CTNNA3: variants seen among roughly 807,000 people sequenced by gnomAD.
CTNNA3 encodes the protein catenin alpha-3.
CTNNA3 carries 76 observed loss-of-function variants against 95.7 expected under a neutral mutation model. That is an observed-to-expected ratio of 0.79 (90% CI 0.66 to 0.96). CTNNA3 has a LOEUF of 0.96. CTNNA3 is among the 40% of genes least tolerant of loss of function. CTNNA3 has a pLI of 0.00. For synonymous variants in CTNNA3, 431 were observed against 374.4 expected, an observed-to-expected ratio of 1.15 and a Z score of -1.74; for missense variants, 1,191 against 1,089.8, an observed-to-expected ratio of 1.09 and a Z score of -1.31.
rs570656154 is a variant in CTNNA3, at chr10:67,470,316, A to G, written c.579+51526T>C. Among the ~76,000 whole-genome samples the G allele has an allele frequency of 2.1e-3, 325 of 152,294 alleles. 2 individuals are homozygous for G. Among genetic ancestry groups the G allele is most frequent in the African/African-American group, 7.5e-3 (310 of 41,568 alleles). ...ATGGCTGAATAGTACTCCATTGTGT[A>G]TAAGTACCACATTTTCTTTATCCAT... On this transcript the variant is annotated intron_variant, in intron 5 of 17. Transcript: ENST00000433211.
intron 16 of CTNNA3, among the ~76,000 whole-genome samples, chr10:65,981,283 C>T (rs1186504983): frequency 6.6e-6 from 1 of 151,782 alleles, no homozygotes; most frequent in Non-Finnish European, 1.5e-5. Flanking sequence ...TAGGAATATA[C>T]CTAACCAAGG....
intron 11 of CTNNA3, among the ~76,000 whole-genome samples, chr10:66,409,451 C>A (rs1258405638): frequency 1.3e-5 from 2 of 151,958 alleles, no homozygotes; most frequent in East Asian, 1.9e-4. Context: ...ACTTGGGAAT[C>A]TTCTTGGTTC....
intron 9 of CTNNA3, among the ~76,000 whole-genome samples, chr10:66,633,812 C>G (rs886522050): frequency 6.6e-6 from 1 of 151,814 alleles, no homozygotes; most frequent in South Asian, 2.1e-4. Flanking sequence ...GAGAAGTATC[C>G]CCTTTTGACT....
chr10:66,845,723 A>T (rs12782846), intron 7 of CTNNA3, among the ~76,000 whole-genome samples: 8,890 of 85,666 alleles, frequency 0.1, 924 homozygotes, highest in Non-Finnish European at 0.11. Context: ...AAAAAAAAAA[A>T]AAAAAACTAA....
At chr10:66,394,592 T>C (rs1480642712) in intron 11 of CTNNA3, among the ~76,000 whole-genome samples, 1 of 149,048 alleles carries the variant, frequency 6.7e-6, no homozygotes, top group East Asian at 2.0e-4. Flanking sequence ...TCTTTCAGGA[T>C]ATTACCAGAC....
At chr10:67,700,420 G>C (rs1841027150), upstream of CTNNA3, among the ~76,000 whole-genome samples, 1 of 152,188 alleles carries the variant, frequency 6.6e-6, no homozygotes, top group South Asian at 2.1e-4. Context: ...GTACTCCTCT[G>C]AGACAAAACT....
chr10:66,486,266 T>G (rs1437519582), intron 11 of CTNNA3, among the ~76,000 whole-genome samples: 1 of 152,140 alleles, frequency 6.6e-6, no homozygotes, highest in East Asian at 1.9e-4. Flanking sequence ...AAGAGACAAC[T>G]GTGGAATGAA....
intron 10 of CTNNA3, among the ~76,000 whole-genome samples, chr10:66,608,328 C>G (rs1671019345): frequency 6.6e-6 from 1 of 152,130 alleles, no homozygotes; most frequent in Non-Finnish European, 1.5e-5. Flanking sequence ...ACGTCCCATG[C>G]TCATGAATAG....
chr10:66,777,772 C>T (rs919212338), intron 7 of CTNNA3, among the ~76,000 whole-genome samples: 2 of 122,484 alleles, frequency 1.6e-5, no homozygotes, highest in African/African-American at 5.7e-5. Context: ...TACACACACA[C>T]ACACACACAC....
intron 5 of CTNNA3, among the ~76,000 whole-genome samples, chr10:67,496,827 A>G (rs960275990): frequency 3.3e-4 from 50 of 152,298 alleles, no homozygotes; most frequent in African/African-American, 1.2e-3. Flanking sequence ...TATAATTCCA[A>G]TGATAAACAC....
intron 10 of CTNNA3, among the ~76,000 whole-genome samples, chr10:66,533,207 C>T (rs1407293198): frequency 6.6e-6 from 1 of 152,120 alleles, no homozygotes; most frequent in Non-Finnish European, 1.5e-5. Flanking sequence ...CCTCGATTTC[C>T]ACTCTTCTTT....
chr10:67,178,603 T>C (rs181249127), intron 7 of CTNNA3, among the ~76,000 whole-genome samples: 97 of 152,220 alleles, frequency 6.4e-4, no homozygotes, highest in African/African-American at 2.1e-3. Context: ...TGTGGGTAAG[T>C]GTGCACATGT....
intron 1 of CTNNA3, among the ~76,000 whole-genome samples, chr10:67,691,648 C>T (rs1174745853): frequency 6.6e-6 from 1 of 151,706 alleles, no homozygotes; most frequent in African/African-American, 2.4e-5. Context: ...AGGAGCCCCT[C>T]CGCCCGGCAG....
intron 14 of CTNNA3, among the ~76,000 whole-genome samples, chr10:66,081,047 A>G (rs550139668): frequency 1.3e-5 from 2 of 152,330 alleles, no homozygotes; most frequent in Non-Finnish European, 2.9e-5. Flanking sequence ...AAGGGAGGCC[A>G]GGGGCCTGTA....
chr10:66,138,304 C>T (rs1021298443), intron 13 of CTNNA3, among the ~76,000 whole-genome samples: 2 of 152,036 alleles, frequency 1.3e-5, no homozygotes, highest in African/African-American at 2.4e-5. Context: ...TATCTCAATG[C>T]CTCCAACCAC....
At chr10:66,750,914 A>C (rs1455816438) in intron 9 of CTNNA3, among the ~76,000 whole-genome samples, 1 of 152,152 alleles carries the variant, frequency 6.6e-6, no homozygotes, top group Non-Finnish European at 1.5e-5. Context: ...CCTCAATTTA[A>C]ATTTATACCT....
intron 7 of CTNNA3, among the ~76,000 whole-genome samples, chr10:67,170,127 C>T (rs1237313261): frequency 6.6e-6 from 1 of 152,118 alleles, no homozygotes; most frequent in African/African-American, 2.4e-5. Flanking sequence ...ATAACAGATG[C>T]TGGCAAGGTT....
chr10:67,292,749 A>C (rs567600213), intron 5 of CTNNA3, among the ~76,000 whole-genome samples: 2 of 152,186 alleles, frequency 1.3e-5, no homozygotes, highest in Admixed American at 6.5e-5. Context: ...TTTTAGATTC[A>C]AGTAAAAATA....
At chr10:66,064,581 A>G (rs1192334230) in intron 15 of CTNNA3, among the ~76,000 whole-genome samples, 3 of 152,180 alleles carry the variant, frequency 2.0e-5, no homozygotes, top group Non-Finnish European at 4.4e-5. Flanking sequence ...TTCACCGTTG[A>G]TGCTCCATCA....
Sources: allele counts gnomAD v4.1 joint callset (sites outside exome capture counted in the v4.1 genomes callset), GRCh38; gene constraint gnomAD v4.1.1; transcripts MANE v1.5; gene names NCBI Gene and HGNC (gene_info 2026-07-23, HGNC 2026-07-21).